VIPR1: variants seen among roughly 807,000 people sequenced by gnomAD.
VIPR1 encodes vasoactive intestinal polypeptide receptor 1.
A neutral mutation model predicts 58.8 loss-of-function variants in VIPR1; 59 were observed. The observed-to-expected ratio is 1.00, with a 90% confidence interval of 0.81 to 1.25. The LOEUF (loss-of-function observed/expected upper bound fraction) is 1.25. VIPR1 is among the 50% of genes most tolerant of loss of function. The pLI is 0.00. For synonymous variants in VIPR1, 251 were observed against 242.1 expected, an observed-to-expected ratio of 1.04 and a Z score of -0.34; for missense variants, 626 against 602.7, an observed-to-expected ratio of 1.04 and a Z score of -0.40.
intron 3 of VIPR1, among the ~76,000 whole-genome samples, chr3:42,521,842 G>A (rs899621276): frequency 6.6e-6 from 1 of 151,294 alleles, no homozygotes; most frequent in Non-Finnish European, 1.5e-5. Context: ...CCGTCTCCTG[G>A]GTTCAAGCAA....
Position 42,502,753 on chromosome 3 carries a change from G to A in VIPR1, c.18G>A (p.Pro6=). Residue 6 remains proline (P), a synonymous_variant, in exon 1 of 13, where the codon CCG becomes CCA. Transcript: ENST00000325123. MRPPS[P]LPARWLCVLA... ...GGCAGACCATGCGCCCGCCAAGTCC[G>A]CTGCCCGCCCGCTGGCTATGCGTGC... is the stretch of plus-strand genomic sequence containing the variant. 3 of 1,307,962 alleles carry A rather than the reference G, an allele frequency of 2.3e-6. No homozygotes were observed. The highest frequency in any genetic ancestry group is 2.3e-5 in the South Asian group (1 of 44,066). 81.0% of individuals were successfully genotyped at this position (1,307,962 alleles called of 1,614,324 possible).
chr3:42,534,638 G>A (rs1701747826), intron 10 of VIPR1: 1 of 181,984 alleles, frequency 5.5e-6, no homozygotes, highest in African/African-American at 2.4e-5. Flanking sequence ...ACTCCCAATA[G>A]TGGATTTCAG....
intron 10 of VIPR1, 197 bp from the exon 11 acceptor site, chr3:42,534,778 G>C: frequency 1.6e-6 from 1 of 620,694 alleles, no homozygotes; most frequent in South Asian, 2.2e-5. Flanking sequence ...GAGGGCTGGG[G>C]GCAGAAGGGC....
chr3:42,503,669 G>C (rs1323785859), intron 1 of VIPR1, among the ~76,000 whole-genome samples: 1 of 152,166 alleles, frequency 6.6e-6, no homozygotes, highest in Non-Finnish European at 1.5e-5. Flanking sequence ...GAACAGGGGA[G>C]ACCTCAGCAC....
rs1378640927 is a variant in VIPR1, at chr3:42,531,713, G to T, written c.852-90G>T. The T allele has an allele frequency of 4.4e-6, 7 of 1,583,974 alleles. No individual in the cohort carries two copies. In the African/African-American group the frequency reaches 9.4e-5, roughly 21 times the overall value. The stretch of plus-strand genomic sequence containing the variant: ...GGCCCGGGGTTGCTAAAGTGCTCAG[G>T]AGCAGAGCTGGGGACAACTGGGGGA... On this transcript the variant is annotated intron_variant, in intron 8 of 12. Transcript: ENST00000325123.
intron 3 of VIPR1, among the ~76,000 whole-genome samples, chr3:42,525,464 C>G (rs1025613526): frequency 1.4e-4 from 22 of 151,814 alleles, no homozygotes; most frequent in African/African-American, 5.3e-4. Context: ...CAGGCCCAGG[C>G]AGGCTGACTG....
At chr3:42,498,210 G>A (rs1180932757), upstream of VIPR1, among the ~76,000 whole-genome samples, 1 of 152,126 alleles carries the variant, frequency 6.6e-6, no homozygotes, top group Non-Finnish European at 1.5e-5. Context: ...CAATGAGTTG[G>A]AGCCTCTAGC....
At chr3:42,523,640 C>CACAT (rs1553638629) in intron 3 of VIPR1, among the ~76,000 whole-genome samples, 3,683 of 150,748 alleles carry the variant, frequency 0.024, 56 homozygotes, top group African/African-American at 0.041. Context: ...CACACACACA[C>CACAT]GGCATGTGAA....
upstream of VIPR1, chr3:42,502,588 C>T: frequency 1.8e-6 from 1 of 561,010 alleles, no homozygotes; most frequent in Non-Finnish European, 2.6e-6. Context: ...GCCCCCGGGG[C>T]CCGCCCCCAG....
chr3:42,532,100 C>A, intron 9 of VIPR1, 142 bp from the exon 10 acceptor site: 1 of 977,002 alleles, frequency 1.0e-6, no homozygotes, highest in Non-Finnish European at 1.6e-6. Flanking sequence ...GATGACCTGC[C>A]CAAAGGGGAA....
chr3:42,534,400 T>G (rs1701736666), intron 10 of VIPR1: 1 of 152,786 alleles, frequency 6.5e-6, no homozygotes, highest in Non-Finnish European at 1.5e-5. Flanking sequence ...CTATACTTCA[T>G]AGTACCCAAA....
rs1700533806 is a variant in VIPR1 at position 42,514,584 on chromosome 3, C to A, written c.184+730C>A. Among the ~76,000 whole-genome samples, 5 of 151,142 alleles carry A rather than the reference C, an allele frequency of 3.3e-5. 1 individual carries two copies. In the South Asian group the frequency reaches 1.0e-3, roughly 31 times the overall value. ...ACACACACACACACATACACACACG[C>A]CCAGCCCCTAAGCATACACATACAG... On this transcript the variant is annotated intron_variant, in intron 2 of 12. Coordinates refer to ENST00000325123, the MANE Select transcript of VIPR1 (RefSeq NM_004624.4).
intron 7 of VIPR1, chr3:42,531,143 C>A: frequency 1.5e-6 from 1 of 656,300 alleles, no homozygotes; most frequent in Non-Finnish European, 2.6e-6. Context: ...CTAGGGCTGA[C>A]CTGTGGGACA....
chr3:42,520,153 TGAGA>T (rs894092945), intron 3 of VIPR1, among the ~76,000 whole-genome samples: 2 of 151,928 alleles, frequency 1.3e-5, no homozygotes, highest in Non-Finnish European at 2.9e-5. Context: ...TGGGGACAAC[TGAGA>T]GAGAGAATCA....
chr3:42,494,361 A>G (rs897688729), intron 1 of VIPR1, among the ~76,000 whole-genome samples: 1 of 152,194 alleles, frequency 6.6e-6, no homozygotes, highest in Non-Finnish European at 1.5e-5. Flanking sequence ...GTTGGAAAAC[A>G]TTTCATCTTC....
intron 1 of VIPR1, among the ~76,000 whole-genome samples, chr3:42,497,537 T>C (rs1001533911): frequency 6.6e-6 from 1 of 152,086 alleles, no homozygotes; most frequent in Non-Finnish European, 1.5e-5. Context: ...GGTGGAGCAG[T>C]CCTCCCCTTT....
chr3:42,534,961 T>C lies in VIPR1; in HGVS notation c.1011-14T>C. 6.2e-7 allele frequency: 1 copy of C among 1,613,948 alleles called. No homozygotes were observed. The highest frequency in any genetic ancestry group is 2.2e-5 in the East Asian group (1 of 44,868). The stretch of plus-strand genomic sequence containing the variant: ...GACACACATACCCATGGCCTGTCCC[T>C]CCCCTGTCTCCAGAAGGCTAGCCAG... On this transcript the variant is annotated splice_polypyrimidine_tract_variant and intron_variant, in intron 10 of 12. Coordinates refer to ENST00000325123, the MANE Select transcript of VIPR1 (RefSeq NM_004624.4).
intron 1 of VIPR1, 63 bp downstream of exon 1, chr3:42,502,876 T>C: frequency 7.6e-6 from 7 of 919,208 alleles, no homozygotes; most frequent in Non-Finnish European, 9.8e-6. Context: ...GCGGGGGAGG[T>C]GGGGGATGGC....
At chr3:42,515,148 A>C (rs775938871) in intron 2 of VIPR1, among the ~76,000 whole-genome samples, 12 of 152,124 alleles carry the variant, frequency 7.9e-5, no homozygotes. Flanking sequence ...GAGCATCTTT[A>C]CGTCTTCCTG....
Sources: gnomAD v4.1 joint callset for allele counts (sites outside exome capture counted in the v4.1 genomes callset) on GRCh38, gnomAD v4.1.1 for gene constraint, MANE v1.5 for transcripts, NCBI Gene and HGNC (gene_info 2026-07-23, HGNC 2026-07-21) for gene names.